The following ZFHX3 variants were observed in gnomAD, a reference collection of about 807,000 sequenced individuals.
The protein encoded by ZFHX3 is zinc finger homeobox protein 3.
ZFHX3 carries 42 observed loss-of-function variants against 279.1 expected under a neutral mutation model. That is an observed-to-expected ratio of 0.15 (90% confidence interval 0.12 to 0.19). The LOEUF is 0.19. Among genes scored for constraint, ZFHX3 ranks in the 10% least tolerant of loss-of-function variants. The probability of loss-of-function intolerance (pLI) is 1.00; values close to 1 mark genes in which losing one functional copy is unlikely to be tolerated. For missense variants in ZFHX3, 4,981 were observed against 4,754.0 expected (o/e 1.05, Z -1.40); for synonymous variants, 2,293 against 1,957.8 (o/e 1.17, Z -4.52).
upstream of ZFHX3, chr16:73,048,502 C>G (rs1965383632): frequency 6.6e-6 from 1 of 152,236 alleles, no homozygotes; most frequent in South Asian, 2.1e-4. Context: ...GGAACCGGCC[C>G]CGGCGGGAAC....
At chr16:73,263,878 C>A (rs2013892784) in intron 4 of ZFHX3, among the ~76,000 whole-genome samples, 1 of 152,152 alleles carries the variant, frequency 6.6e-6, no homozygotes, top group Non-Finnish European at 1.5e-5. Context: ...AAAATGAGAG[C>A]CCTGATGGCC....
chr16:72,996,772 A>C (rs1353941915), intron 1 of ZFHX3, among the ~76,000 whole-genome samples: 1 of 152,250 alleles, frequency 6.6e-6, no homozygotes, highest in Non-Finnish European at 1.5e-5. Context: ...CACAGAGTTA[A>C]GTTTACTTTG....
rs147459021 is a variant in ZFHX3 at position 73,301,336 on chromosome 16, A to G, written c.-1194+16904T>C. Among the ~76,000 whole-genome samples the G allele has an allele frequency of 2.4e-3, 365 of 152,344 alleles. 1 individual carries two copies. Among genetic ancestry groups the G allele is most frequent in the African/African-American group, 7.3e-3 (304 of 41,598 alleles). ...GGTAAAAGTGTGGAGCAAATAGGAC[A>G]GAAAAAAATGGGAAGTCAAACTTCT... On this transcript the variant is annotated intron_variant, in intron 4 of 17. Coordinates refer to the ZFHX3 transcript ENST00000641206.
intron 3 of ZFHX3, chr16:73,389,136 C>T (rs761595503): frequency 1.3e-5 from 2 of 152,226 alleles, no homozygotes; most frequent in African/African-American, 2.4e-5. Flanking sequence ...CTTTCCCCCT[C>T]GAGTCCCTGT....
chr16:72,845,581 C>G (rs1226412964), intron 4 of ZFHX3, among the ~76,000 whole-genome samples: 1 of 152,206 alleles, frequency 6.6e-6, no homozygotes, highest in Admixed American at 6.5e-5. Context: ...CACCCCCGTC[C>G]TGCCCCAGGA....
intron 1 of ZFHX3, among the ~76,000 whole-genome samples, chr16:73,844,254 G>T (rs1250339334): frequency 6.6e-6 from 1 of 152,200 alleles, no homozygotes; most frequent in East Asian, 1.9e-4. Flanking sequence ...AAATGTATGG[G>T]TCCAGGTCCC....
In ZFHX3 at chr16:73,135,581, T is replaced by G. The variant is rs150516571; in HGVS notation, c.-1023-4487A>C. ...TGAGAGGTTGCAAACTTATGACCTA[T>G]GAACTGAATGTGGCCTGTGGAAGTC... On this transcript the variant is annotated intron_variant, in intron 6 of 17. Transcript: ENST00000641206. Among the ~76,000 whole-genome samples, 260 of 152,316 alleles carry G rather than the reference T, an allele frequency of 1.7e-3. 1 individual carries two copies. Among genetic ancestry groups the G allele is most frequent in the African/African-American group, 6.0e-3 (248 of 41,562 alleles).
chr16:73,198,547 G>A (rs1257589030), intron 5 of ZFHX3, among the ~76,000 whole-genome samples: 3 of 151,974 alleles, frequency 2.0e-5, no homozygotes, highest in Non-Finnish European at 4.4e-5. Context: ...GAGAAACAAA[G>A]GCCAGAAACT....
intron 1 of ZFHX3, among the ~76,000 whole-genome samples, chr16:73,803,484 T>TA (rs1326948644): frequency 2.0e-5 from 3 of 152,218 alleles, no homozygotes; most frequent in African/African-American, 7.2e-5. Flanking sequence ...TATTAAAGAC[T>TA]AAAAATTCAC....
At position 73,781,841 on chromosome 16, in the gene ZFHX3, G is replaced by A. The variant is rs148494728; in HGVS notation, c.-1607-101601C>T. On this transcript the variant is annotated intron_variant, in intron 1 of 17. Transcript: ENST00000641206. ...GTCTCTACTAAAAATACAAAAATTA[G>A]CTGAGTGTGGTGGTGTGCATCTGTA... Among the ~76,000 whole-genome samples, 241 of 152,244 alleles carry A rather than the reference G, an allele frequency of 1.6e-3. 1 individual carries two copies. Among genetic ancestry groups the A allele is most frequent in the African/African-American group, 5.3e-3 (221 of 41,520 alleles).
chr16:73,635,558 T>G (rs1384720971), intron 2 of ZFHX3, among the ~76,000 whole-genome samples: 1 of 152,172 alleles, frequency 6.6e-6, no homozygotes, highest in Non-Finnish European at 1.5e-5. Context: ...TCCTCTACTG[T>G]TATCCCAGAA....
rs141948347 is a variant in ZFHX3, at chr16:73,429,548, G to A, written c.-1291+26455C>T. 6.2e-3 allele frequency among the ~76,000 whole-genome samples: 943 copies of A among 152,158 alleles called. 11 individuals are homozygous for A. The highest frequency in any genetic ancestry group is 0.022 in the African/African-American group (908 of 41,502). On this transcript the variant is annotated intron_variant, in intron 3 of 17. Coordinates refer to the ZFHX3 transcript ENST00000641206. ...GGGTTTCATCATGTTGGCCAGACTGGTCTTGAACTCCTGGCCTCAAGTGAT... is the reference window on the plus strand; with the variant it reads ...GGGTTTCATCATGTTGGCCAGACTGATCTTGAACTCCTGGCCTCAAGTGAT...
At chr16:73,666,713 C>T (rs1309244957) in intron 2 of ZFHX3, among the ~76,000 whole-genome samples, 2 of 151,830 alleles carry the variant, frequency 1.3e-5, no homozygotes, top group African/African-American at 4.9e-5. Context: ...CCACTACAAC[C>T]GAGATACTGA....
At chr16:73,775,348 C>T (rs903825138) in intron 1 of ZFHX3, among the ~76,000 whole-genome samples, 32 of 152,132 alleles carry the variant, frequency 2.1e-4, no homozygotes, top group African/African-American at 7.7e-4. Context: ...GTTATATAAG[C>T]GCATCGTTTC....
chr16:73,078,810 A>AT (rs1325399907), intron 8 of ZFHX3, among the ~76,000 whole-genome samples: 7 of 151,688 alleles, frequency 4.6e-5, no homozygotes, highest in African/African-American at 1.2e-4. Context: ...ATGCCAGGCA[A>AT]TTTTTTTGTA....
At chr16:73,186,033 C>T (rs765433682) in intron 5 of ZFHX3, among the ~76,000 whole-genome samples, 13 of 152,008 alleles carry the variant, frequency 8.6e-5, no homozygotes, top group African/African-American at 2.9e-4. Flanking sequence ...ATCTAGGTTG[C>T]GCACTCCCTG....
intron 1 of ZFHX3, chr16:73,815,463 G>A (rs1158677243): frequency 1.3e-5 from 2 of 152,036 alleles, no homozygotes; most frequent in African/African-American, 2.4e-5. Flanking sequence ...CTCTTAATTC[G>A]AGCTACATTG....
At chr16:73,480,335 T>A (rs1477825573) in intron 2 of ZFHX3, among the ~76,000 whole-genome samples, 1 of 152,210 alleles carries the variant, frequency 6.6e-6, no homozygotes, top group Non-Finnish European at 1.5e-5. Context: ...ACCACCTGCT[T>A]ACTGTTTGGA....
At chr16:73,723,317 G>C (rs2729611) in intron 1 of ZFHX3, among the ~76,000 whole-genome samples, 132,521 of 152,222 alleles carry the variant, frequency 0.87, 58,627 homozygotes, top group Non-Finnish European at 0.95. Context: ...TATTCAGAAG[G>C]TAGATTCTTC....
Sources: allele counts gnomAD v4.1 joint callset (sites outside exome capture counted in the v4.1 genomes callset), GRCh38; gene constraint gnomAD v4.1.1; transcripts MANE v1.5; gene names NCBI Gene and HGNC (gene_info 2026-07-23, HGNC 2026-07-21).